The following STAU2 variants were observed in gnomAD, a reference collection of about 807,000 sequenced individuals.
STAU2 encodes double-stranded RNA-binding protein Staufen homolog 2.
In STAU2, 20 loss-of-function variants were observed where a neutral mutation model predicts 65.9. That is an observed-to-expected ratio of 0.30 (90% confidence interval 0.21 to 0.44). The LOEUF is 0.44. Among genes scored for constraint, STAU2 ranks in the 20% least tolerant of loss-of-function variants. The probability of loss-of-function intolerance (pLI) is 1.00; values close to 1 mark genes in which losing one functional copy is unlikely to be tolerated. For synonymous variants in STAU2, 232 were observed against 233.9 expected (o/e 0.99, Z 0.07); for missense variants, 558 against 683.9 (o/e 0.82, Z 2.05).
chr8:73,667,693 G>C (rs747003823), intron 6 of STAU2, among the ~76,000 whole-genome samples: 7 of 152,134 alleles, frequency 4.6e-5, no homozygotes, highest in Admixed American at 6.6e-5. Flanking sequence ...AAGTCTATTA[G>C]ACTGCCTGTC....
intron 13 of STAU2, among the ~76,000 whole-genome samples, chr8:73,475,935 A>G (rs4637819): frequency 0.39 from 59,497 of 152,126 alleles, 13,080 homozygotes; most frequent in Non-Finnish European, 0.49. Flanking sequence ...AAAATTGACA[A>G]TGTAATGACA....
rs139480428 is a variant in STAU2 at position 73,495,002 on chromosome 8, C to T, written c.1530+57010G>A. On this transcript the variant is annotated intron_variant, in intron 13 of 14. Transcript: ENST00000524300. Reference sequence around the variant, plus strand: ...CATGTGTAATTAAGCACATATTCTCCGGCTTCTTTTATCATATATTCATAT... The same window carrying T: ...CATGTGTAATTAAGCACATATTCTCTGGCTTCTTTTATCATATATTCATAT... 6.2e-3 allele frequency among the ~76,000 whole-genome samples: 936 copies of T among 151,586 alleles called. 6 individuals carry two copies. Among genetic ancestry groups the T allele is most frequent in the Non-Finnish European group, 8.8e-3 (597 of 67,658 alleles).
chr8:73,704,745 G>A (rs1456575849), intron 4 of STAU2, among the ~76,000 whole-genome samples: 3 of 151,940 alleles, frequency 2.0e-5, no homozygotes, highest in East Asian at 1.9e-4. Context: ...CTCAGCTCAC[G>A]GCAACCTCCG....
chr8:73,565,517 CAATA>C (rs1327856075), intron 12 of STAU2, among the ~76,000 whole-genome samples: 1 of 152,142 alleles, frequency 6.6e-6, no homozygotes, highest in Non-Finnish European at 1.5e-5. Context: ...AAATGCACAA[CAATA>C]AACAATGCAG....
chr8:73,432,431 G>T (rs904600877), intron 13 of STAU2, among the ~76,000 whole-genome samples: 1 of 152,134 alleles, frequency 6.6e-6, no homozygotes, highest in Non-Finnish European at 1.5e-5. Flanking sequence ...AAACCAGAAG[G>T]TTCTTCAATA....
chr8:73,602,058 T>C (rs756018913), intron 10 of STAU2, among the ~76,000 whole-genome samples: 4 of 152,182 alleles, frequency 2.6e-5, no homozygotes, highest in Admixed American at 2.0e-4. Flanking sequence ...TTTTTGGATA[T>C]CTGGGTTCCC....
chr8:73,634,730 C>A (rs1013341088), intron 6 of STAU2, among the ~76,000 whole-genome samples: 1 of 152,104 alleles, frequency 6.6e-6, no homozygotes, highest in African/African-American at 2.4e-5. Context: ...TAAGCCTCCA[C>A]GTTAGGGCCT....
intron 5 of STAU2, among the ~76,000 whole-genome samples, chr8:73,683,310 G>A (rs888258484): frequency 7.2e-5 from 11 of 151,956 alleles, no homozygotes; most frequent in African/African-American, 1.7e-4. Context: ...ATAGTTTAAC[G>A]TCCACAAGTC....
Position 73,449,528 on chromosome 8 carries a change from G to T in STAU2, c.1531-26826C>A, listed in dbSNP as rs149777225. 2.0e-3 allele frequency among the ~76,000 whole-genome samples: 309 copies of T among 152,318 alleles called. 1 individual carries two copies. Among genetic ancestry groups the T allele is most frequent in the African/African-American group, 6.3e-3 (260 of 41,566 alleles). On this transcript the variant is annotated intron_variant, in intron 13 of 14. Transcript: ENST00000524300. The stretch of plus-strand genomic sequence containing the variant: ...GGGCTTCAACGGATGAATTACAGAG[G>T]TGGGGGCACAATCCAGTCCGTAACA...
intron 13 of STAU2, among the ~76,000 whole-genome samples, chr8:73,481,179 T>A (rs1040590184): frequency 7.2e-5 from 11 of 152,120 alleles, no homozygotes; most frequent in African/African-American, 2.7e-4. Context: ...AACCACTGTC[T>A]TGCTTTTTGT....
chr8:73,578,502 T>C (rs1378050441), intron 12 of STAU2, among the ~76,000 whole-genome samples: 1 of 152,188 alleles, frequency 6.6e-6, no homozygotes, highest in Non-Finnish European at 1.5e-5. Flanking sequence ...AAGGATGATA[T>C]CATTCTGAAA....
At chr8:73,551,778 A>G in intron 13 of STAU2, 1 of 1,185,852 alleles carries the variant, frequency 8.4e-7, no homozygotes. Flanking sequence ...AAAAAGAAGA[A>G]GGAAAATGGA....
chr8:73,522,297 G>A (rs1034063991), intron 13 of STAU2, among the ~76,000 whole-genome samples: 8 of 152,134 alleles, frequency 5.3e-5, no homozygotes, highest in African/African-American at 1.9e-4. Flanking sequence ...CATATAGAAA[G>A]GGTGTCATGA....
chr8:73,646,938 G>GACACACACACACACACAC (rs142043134), intron 6 of STAU2, among the ~76,000 whole-genome samples: 39 of 144,064 alleles, frequency 2.7e-4, no homozygotes, highest in East Asian at 1.2e-3. Context: ...CACACAGCCA[G>GACACACACACACACACAC]ACACACACAC....
At chr8:73,552,947 G>A (rs375785892) in intron 12 of STAU2, among the ~76,000 whole-genome samples, 244 of 152,208 alleles carry the variant, frequency 1.6e-3, no homozygotes, top group African/African-American at 5.6e-3. Flanking sequence ...TAGACTCCTG[G>A]CAACCATCTC....
chr8:73,551,921 A>C, intron 13 of STAU2, 91 bp downstream of exon 13: 3 of 1,438,940 alleles, frequency 2.1e-6, no homozygotes, highest in Non-Finnish European at 2.7e-6. Flanking sequence ...AGGCCATACT[A>C]GCAGGCAAGA....
intron 13 of STAU2, among the ~76,000 whole-genome samples, chr8:73,479,201 C>T (rs1304168287): frequency 2.6e-5 from 4 of 152,130 alleles, no homozygotes; most frequent in African/African-American, 9.7e-5. Flanking sequence ...ATAACTACAT[C>T]ACTGTCGTAC....
At chr8:73,669,149 C>T (rs764926743) in intron 6 of STAU2, 1 of 700,924 alleles carries the variant, frequency 1.4e-6, no homozygotes, top group South Asian at 1.5e-5. Context: ...ATGGTTGTAA[C>T]AGCCTACTGA....
intron 13 of STAU2, among the ~76,000 whole-genome samples, chr8:73,474,095 C>T (rs767358842): frequency 8.6e-5 from 13 of 151,930 alleles, no homozygotes; most frequent in Non-Finnish European, 1.6e-4. Context: ...ACTACAAATC[C>T]CTTAATAATT....
Sources: allele counts gnomAD v4.1 joint callset (sites outside exome capture counted in the v4.1 genomes callset), GRCh38; gene constraint gnomAD v4.1.1; transcripts MANE v1.5; gene names NCBI Gene and HGNC (gene_info 2026-07-23, HGNC 2026-07-21).